Variants in CA10 observed in about 807,000 individuals in gnomAD.
CA10 encodes carbonic anhydrase-related protein 10.
CA10 carries 14 observed loss-of-function variants against 44.2 expected under a neutral mutation model. That is an observed-to-expected ratio of 0.32 (90% CI 0.21 to 0.50). The LOEUF (loss-of-function observed/expected upper bound fraction) is 0.50. CA10 is among the 20% of genes least tolerant of loss of function. The pLI, the probability that CA10 is intolerant of heterozygous loss-of-function variation, is 0.99. For missense variants in CA10, 350 were observed against 409.7 expected (o/e 0.85, Z 1.26); for synonymous variants, 159 against 141.6 (o/e 1.12, Z -0.87).
At chr17:52,035,656 G>A (rs111882750) in intron 2 of CA10, among the ~76,000 whole-genome samples, 3 of 152,198 alleles carry the variant, frequency 2.0e-5, no homozygotes, top group Admixed American at 6.5e-5. Flanking sequence ...GGGGTCACAG[G>A]CACCCCTACC....
intron 3 of CA10, among the ~76,000 whole-genome samples, chr17:51,774,963 C>T (rs1408351312): frequency 6.6e-6 from 1 of 152,172 alleles, no homozygotes; most frequent in Non-Finnish European, 1.5e-5. Flanking sequence ...CCAACAGTGC[C>T]ATTTATTCCC....
intron 5 of CA10, among the ~76,000 whole-genome samples, chr17:51,651,508 G>T (rs1468044085): frequency 1.3e-5 from 2 of 152,212 alleles, no homozygotes; most frequent in African/African-American, 2.4e-5. Context: ...GACCTGAGAA[G>T]ATGCAGGAGC....
At chr17:51,868,286 C>A (rs1342686786) in intron 3 of CA10, among the ~76,000 whole-genome samples, 1 of 152,104 alleles carries the variant, frequency 6.6e-6, no homozygotes, top group African/African-American at 2.4e-5. Flanking sequence ...GCACCAGAAT[C>A]TATTCCGCTC....
At chr17:52,137,189 C>T (rs1039709499) in intron 1 of CA10, among the ~76,000 whole-genome samples, 2 of 151,632 alleles carry the variant, frequency 1.3e-5, no homozygotes, top group African/African-American at 4.8e-5. Flanking sequence ...AGTCAAATAA[C>T]AGGAAATTCA....
chr17:51,754,323 C>T (rs576907456), intron 3 of CA10, among the ~76,000 whole-genome samples: 5 of 122,726 alleles, frequency 4.1e-5, no homozygotes, highest in South Asian at 2.7e-4. Flanking sequence ...TGTGTGTGTA[C>T]ATATATATGT....
At chr17:51,749,286 C>A (rs1221436448) in intron 3 of CA10, among the ~76,000 whole-genome samples, 2 of 152,238 alleles carry the variant, frequency 1.3e-5, no homozygotes, top group African/African-American at 2.4e-5. Context: ...CTGGCCTTGT[C>A]ACTTACTTTG....
chr17:51,871,118 G>A (rs946023561), intron 3 of CA10, among the ~76,000 whole-genome samples: 3 of 146,170 alleles, frequency 2.1e-5, no homozygotes, highest in Non-Finnish European at 4.5e-5. Context: ...GAGTGGAGTG[G>A]CATGATCTTG....
chr17:52,142,561 T>G (rs1046367820), intron 1 of CA10, among the ~76,000 whole-genome samples: 1 of 152,136 alleles, frequency 6.6e-6, no homozygotes. Flanking sequence ...ACAACAGAAA[T>G]GAACTGTACA....
At chr17:51,975,627 C>G (rs775287075) in intron 2 of CA10, among the ~76,000 whole-genome samples, 2 of 152,118 alleles carry the variant, frequency 1.3e-5, no homozygotes, top group Non-Finnish European at 2.9e-5. Flanking sequence ...TGTGATGAGG[C>G]GAGATCGCCT....
At position 51,903,633 on chromosome 17, in the gene CA10, A is replaced by T. The variant is rs149619739; in HGVS notation, c.279+27357T>A. On this transcript the variant is annotated intron_variant, in intron 3 of 8. Transcript: ENST00000451037. Reference sequence around the variant, plus strand: ...TGTTAGAAGTAATGCAAACCTGATTATACTCTTTCTAATTTTTTCCCCTCC... The same window carrying T: ...TGTTAGAAGTAATGCAAACCTGATTTTACTCTTTCTAATTTTTTCCCCTCC... Among the ~76,000 whole-genome samples, 237 of 152,264 alleles carry T rather than the reference A, an allele frequency of 1.6e-3. 1 individual carries two copies. The highest frequency in any genetic ancestry group is 3.0e-3 in the Non-Finnish European group (204 of 68,028).
intron 2 of CA10, among the ~76,000 whole-genome samples, chr17:51,966,432 G>GT (rs1161427925): frequency 6.6e-6 from 1 of 151,862 alleles, no homozygotes; most frequent in Non-Finnish European, 1.5e-5. Context: ...GCAGCCAGAG[G>GT]TATCACATTA....
At chr17:51,957,587 A>C (rs774264273) in intron 2 of CA10, among the ~76,000 whole-genome samples, 1 of 152,138 alleles carries the variant, frequency 6.6e-6, no homozygotes, top group Non-Finnish European at 1.5e-5. Context: ...GCCTCCAAGG[A>C]GCACCTGCAA....
intron 3 of CA10, among the ~76,000 whole-genome samples, chr17:51,870,694 C>T (rs371968835): frequency 1.3e-5 from 2 of 152,168 alleles, no homozygotes; most frequent in South Asian, 2.1e-4. Flanking sequence ...GAAGCAATCG[C>T]CATCAAGGAA....
At chr17:51,673,024 C>T (rs1273880026) in intron 4 of CA10, among the ~76,000 whole-genome samples, 1 of 152,230 alleles carries the variant, frequency 6.6e-6, no homozygotes, top group Non-Finnish European at 1.5e-5. Flanking sequence ...ACAAAACACA[C>T]ACCTCTCTTG....
At chr17:52,081,426 G>T (rs1368799100) in intron 1 of CA10, among the ~76,000 whole-genome samples, 4 of 152,168 alleles carry the variant, frequency 2.6e-5, no homozygotes, top group Admixed American at 1.3e-4. Flanking sequence ...AATGAGGCCG[G>T]ACAATGTAAG....
At chr17:52,057,306 C>T (rs1275443008) in intron 2 of CA10, among the ~76,000 whole-genome samples, 1 of 152,044 alleles carries the variant, frequency 6.6e-6, no homozygotes, top group Non-Finnish European at 1.5e-5. Flanking sequence ...AACAGCATAA[C>T]CAACCCTTCC....
At chr17:51,670,409 G>A (rs2143346623) in intron 4 of CA10, among the ~76,000 whole-genome samples, 1 of 152,202 alleles carries the variant, frequency 6.6e-6, no homozygotes, top group East Asian at 1.9e-4. Flanking sequence ...AAAAGGCAGA[G>A]CCACATGTTA....
At chr17:52,013,255 T>A (rs203003) in intron 2 of CA10, among the ~76,000 whole-genome samples, 94,123 of 151,688 alleles carry the variant, frequency 0.62, 29,952 homozygotes, top group African/African-American at 0.71. Context: ...AAAATTAAAT[T>A]GATAATGTAT....
At chr17:51,692,138 C>A (rs1353444804) in intron 4 of CA10, among the ~76,000 whole-genome samples, 4 of 151,244 alleles carry the variant, frequency 2.6e-5, no homozygotes, top group African/African-American at 9.8e-5. Context: ...CATGGGATAT[C>A]TCACTACAGT....
Sources: gnomAD v4.1 joint callset for allele counts (sites outside exome capture counted in the v4.1 genomes callset) on GRCh38, gnomAD v4.1.1 for gene constraint, MANE v1.5 for transcripts, NCBI Gene and HGNC (gene_info 2026-07-23, HGNC 2026-07-21) for gene names.